GSTM2: variants seen among roughly 807,000 people sequenced by gnomAD.
GSTM2 encodes glutathione S-transferase mu 2.
A neutral mutation model predicts 33.3 loss-of-function variants in GSTM2; 33 were observed. That is an observed-to-expected ratio of 0.99 (90% CI 0.75 to 1.33). The LOEUF is 1.33. Ranked by LOEUF, GSTM2 falls within the 40% of genes most tolerant of loss-of-function variation. GSTM2 has a pLI of 0.00. For synonymous variants in GSTM2, 93 were observed against 95.6 expected, an observed-to-expected ratio of 0.97 and a Z score of 0.16; for missense variants, 213 against 265.8, an observed-to-expected ratio of 0.80 and a Z score of 1.38.
chr1:109,669,959 A>G, intron 5 of GSTM2: 1 of 185,796 alleles, frequency 5.4e-6, no homozygotes. Context: ...AGTGAATGTT[A>G]TAGCTCATAA....
downstream of GSTM2, among the ~76,000 whole-genome samples, chr1:109,678,024 A>C (rs766838148): frequency 2.2e-4 from 34 of 152,318 alleles, no homozygotes; most frequent in Middle Eastern, 3.4e-3. Flanking sequence ...AGCAAATTAT[A>C]CGTTCATCTT....
In GSTM2 at chr1:109,671,391, G is replaced by C; in HGVS notation, c.456+9G>C. On this transcript the variant is annotated intron_variant, in intron 6 of 7. Coordinates refer to ENST00000241337, the MANE Select transcript of GSTM2 (RefSeq NM_000848.4). ...GGTTTCTTGGGGACAAGGTAATGGG[G>C]GCGTGTGATGGGGACACCACAGATT... The C allele has an allele frequency of 6.3e-7, 1 of 1,599,890 alleles. No homozygotes were observed. The highest frequency in any genetic ancestry group is 1.3e-5 in the African/African-American group (1 of 74,774).
rs556730458 is a variant in GSTM2, at chr1:109,668,482, A to T, written c.94A>T (p.Lys32Ter). The T allele has an allele frequency of 1.6e-5, 26 of 1,614,172 alleles. No homozygotes were observed. In the East Asian group the frequency reaches 3.8e-4, roughly 24 times the overall value. ...EYTDSSYEEK[K>*]YTMGDAPDYD... ...CACAGACTCAAGCTACGAGGAAAAG[A>T]AGTACACGATGGGGGACGGTAATGG... Residue 32 changes from lysine to a stop codon, truncating the protein, a stop_gained, in exon 2 of 8, where the codon AAG becomes TAG. Transcript: ENST00000241337. LOFTEE classifies it high-confidence loss of function.
downstream of GSTM2, among the ~76,000 whole-genome samples, chr1:109,679,860 G>A (rs1314621769): frequency 6.6e-6 from 1 of 152,180 alleles, no homozygotes; most frequent in East Asian, 1.9e-4. Flanking sequence ...TGAATCAGAA[G>A]ACTGAGCCAA....
chr1:109,668,596 C>T (rs1344769539), intron 2 of GSTM2, 96 bp downstream of exon 2: 1 of 1,335,418 alleles, frequency 7.5e-7, no homozygotes, highest in African/African-American at 1.4e-5. Context: ...GCAGGCCTCC[C>T]TTGCTGGAAC....
intron 2 of GSTM2, 129 bp downstream of exon 2, chr1:109,668,629 C>T: frequency 8.9e-7 from 1 of 1,124,274 alleles, no homozygotes; most frequent in Non-Finnish European, 1.3e-6. Flanking sequence ...CTTCCCTGAG[C>T]CCTGGTGAGG....
At chr1:109,681,919 C>T in intron 7 of GSTM2, 1 of 987,136 alleles carries the variant, frequency 1.0e-6, no homozygotes, top group Non-Finnish European at 1.4e-6. Context: ...CAATCTGTGT[C>T]ATCCATGCCA....
chr1:109,668,653 G>C (rs1647419120), intron 2 of GSTM2, 153 bp downstream of exon 2: 2 of 948,328 alleles, frequency 2.1e-6, no homozygotes, highest in Admixed American at 2.0e-5. Context: ...CTCCTTGCAA[G>C]GCAGAATGCT....
downstream of GSTM2, among the ~76,000 whole-genome samples, chr1:109,677,053 A>T (rs1405917705): frequency 6.6e-6 from 1 of 152,200 alleles, no homozygotes; most frequent in African/African-American, 2.4e-5. Flanking sequence ...CATTTCCCAA[A>T]AGTGAATATC....
rs755629589 is a variant in GSTM2 at position 109,668,488 on chromosome 1, A to G, written c.100A>G (p.Thr34Ala). The G allele has an allele frequency of 3.8e-5, 61 of 1,614,016 alleles. 1 individual carries two copies. The East Asian group carries it at 1.2e-3, about 32-fold the overall frequency. ...CTCAAGCTACGAGGAAAAGAAGTAC[A>G]CGATGGGGGACGGTAATGGCACCCT... ...TDSSYEEKKY[T>A]MGDAPDYDRS... Residue 34 changes from threonine to alanine, a missense_variant, in exon 2 of 8, where the codon ACG becomes GCG. Thr to Ala is a moderately conservative substitution (Grantham distance 58, BLOSUM62 0). Coordinates refer to ENST00000241337, the MANE Select transcript of GSTM2 (RefSeq NM_000848.4).
At chr1:109,676,332 C>G (rs1316612283), downstream of GSTM2, among the ~76,000 whole-genome samples, 1 of 152,086 alleles carries the variant, frequency 6.6e-6, no homozygotes, top group Non-Finnish European at 1.5e-5. Flanking sequence ...TGACTGCATC[C>G]TTTGCTTTTT....
intron 5 of GSTM2, chr1:109,670,302 A>G (rs1647486948): frequency 6.6e-6 from 1 of 152,218 alleles, no homozygotes; most frequent in African/African-American, 2.4e-5. Context: ...TTGGCTAGGC[A>G]GAAAAGTTCT....
At chr1:109,669,633 CAG>C in intron 5 of GSTM2, 62 bp downstream of exon 5, 2 of 1,074,320 alleles carry the variant, frequency 1.9e-6, no homozygotes, top group South Asian at 1.4e-5. Context: ...CCTTTCCCTG[CAG>C]AGTTTGTGTC....
chr1:109,668,377 G>A, intron 1 of GSTM2, 48 bp from the exon 2 acceptor site: 4 of 1,598,742 alleles, frequency 2.5e-6, no homozygotes, highest in East Asian at 2.2e-5. Flanking sequence ...TCGTCACAAA[G>A]TCAGGGACCC....
chr1:109,674,430 A>G (rs1175153490), intron 7 of GSTM2, among the ~76,000 whole-genome samples: 1 of 152,160 alleles, frequency 6.6e-6, no homozygotes, highest in Non-Finnish European at 1.5e-5. Flanking sequence ...AAATGGTGAT[A>G]ATAGATTCAG....
At chr1:109,673,274 A>G (rs1357407261) in intron 7 of GSTM2, 1 of 1,608,982 alleles carries the variant, frequency 6.2e-7, no homozygotes, top group South Asian at 1.1e-5. Flanking sequence ...TGCATGAGGC[A>G]GGGTGTGAGG....
chr1:109,668,129 T>C lies in GSTM2; in HGVS notation c.14T>C (p.Leu5Pro). 1.2e-6 allele frequency: 2 copies of C among 1,600,524 alleles called. No individual in the cohort carries two copies. The highest frequency in any genetic ancestry group is 1.7e-6 in the Non-Finnish European group (2 of 1,173,830). Residue 5 changes from leucine (L) to proline (P), a missense_variant, in exon 1 of 8, where the codon CTG becomes CCG. By Grantham distance (98) the Leu-to-Pro change is moderately conservative. Transcript: ENST00000241337. ...GCAACCAGCACCATGCCCATGACAC[T>C]GGGGTACTGGAACATCCGCGGGGTG... MPMT[L>P]GYWNIRGLAH...
At chr1:109,670,587 T>C (rs1402813043) in intron 5 of GSTM2, 1 of 152,324 alleles carries the variant, frequency 6.6e-6, no homozygotes, top group Non-Finnish European at 1.5e-5. Context: ...TAATGGTTAC[T>C]TCCAGAATCC....
downstream of GSTM2, among the ~76,000 whole-genome samples, chr1:109,679,981 G>A (rs71665042): frequency 6.6e-6 from 1 of 152,108 alleles, no homozygotes. Context: ...ATCCATCTCC[G>A]CCTATCCTGG....
Sources: allele counts gnomAD v4.1 joint callset (sites outside exome capture counted in the v4.1 genomes callset), GRCh38; gene constraint gnomAD v4.1.1; transcripts MANE v1.5; gene names NCBI Gene and HGNC (gene_info 2026-07-23, HGNC 2026-07-21).